PCM1: variants seen among roughly 807,000 people sequenced by gnomAD.
PCM1 encodes the protein pericentriolar material 1 protein.
Under a neutral mutation model 241.9 loss-of-function variants are expected in PCM1, and 157 were observed. The observed-to-expected ratio is 0.65, with a 90% CI of 0.57 to 0.74. The LOEUF (loss-of-function observed/expected upper bound fraction) is 0.74, where lower values mean the gene tolerates loss of function less well. PCM1 is among the 30% of genes least tolerant of loss of function. PCM1 has a pLI of 0.00. For synonymous variants in PCM1, 1,085 were observed against 784.9 expected, an observed-to-expected ratio of 1.38 and a Z score of -6.39; for missense variants, 3,478 against 2,360.1, an observed-to-expected ratio of 1.47 and a Z score of -9.81.
In PCM1 at chr8:17,980,651, C is replaced by T. The variant is rs1248662640; in HGVS notation, c.4004C>T (p.Ser1335Leu). 3 of 1,613,188 alleles carry T rather than the reference C, an allele frequency of 1.9e-6. No individual in the cohort carries two copies. The highest frequency in any genetic ancestry group is 1.3e-5 in the African/African-American group (1 of 74,914). The part of the protein sequence containing the change: ...CEPCKSRNRH[S>L]AQTEEPVQAK... The stretch of plus-strand genomic sequence containing the variant: ...CCTTGCAAAAGTAGGAACAGACATT[C>T]AGCCCAGACTGAAGAGCCTGTTCAA... Residue 1335 changes from serine to leucine, a missense_variant, in exon 24 of 39, where the codon TCA (serine) becomes TTA (leucine). Coordinates refer to ENST00000325083, the MANE Select transcript of PCM1 (RefSeq NM_006197.4).
At chr8:17,967,783 T>C (rs542271025) in intron 21 of PCM1, among the ~76,000 whole-genome samples, 2 of 152,266 alleles carry the variant, frequency 1.3e-5, no homozygotes, top group East Asian at 3.9e-4. Flanking sequence ...AAGACAGTGC[T>C]CTCCTAAAGG....
chr8:17,948,364 G>C (rs1349750088), intron 7 of PCM1, among the ~76,000 whole-genome samples: 2 of 132,894 alleles, frequency 1.5e-5, no homozygotes, highest in Non-Finnish European at 3.1e-5. Flanking sequence ...GAGTGCAATG[G>C]CATGTTCTCG....
At chr8:17,955,934 G>A in intron 10 of PCM1, 2 of 413,980 alleles carry the variant, frequency 4.8e-6, no homozygotes, top group South Asian at 4.5e-5. Flanking sequence ...TATTCAGATG[G>A]TTTAGAGACC....
chr8:17,965,811 T>C (rs1034697241), intron 18 of PCM1, among the ~76,000 whole-genome samples, 188 bp from the exon 19 acceptor site: 1 of 152,226 alleles, frequency 6.6e-6, no homozygotes, highest in African/African-American at 2.4e-5. Context: ...TGGAGACTAA[T>C]GAAAACTAAT....
chr8:17,971,466 A>G (rs925077775), intron 22 of PCM1, among the ~76,000 whole-genome samples: 30 of 152,348 alleles, frequency 2.0e-4, no homozygotes, highest in Admixed American at 2.0e-3. Context: ...TCCCCAACCT[A>G]GACGACCGAT....
intron 22 of PCM1, among the ~76,000 whole-genome samples, chr8:17,972,008 G>A (rs2077023915): frequency 1.3e-5 from 2 of 152,136 alleles, no homozygotes; most frequent in South Asian, 2.1e-4. Flanking sequence ...GCCTTCCAAA[G>A]TGCTGGAGTT....
At chr8:17,970,676 A>G (rs1011507353) in intron 22 of PCM1, among the ~76,000 whole-genome samples, 3 of 152,188 alleles carry the variant, frequency 2.0e-5, no homozygotes, top group Non-Finnish European at 4.4e-5. Context: ...ACGAGCAGTA[A>G]ACATTTATTC....
intron 36 of PCM1, among the ~76,000 whole-genome samples, chr8:18,017,204 A>C (rs1256375826): frequency 1.3e-5 from 2 of 152,218 alleles, no homozygotes; most frequent in Non-Finnish European, 2.9e-5. Flanking sequence ...GACTAGTCCA[A>C]AAAGTTGAAT....
At position 17,957,609 on chromosome 8, in the gene PCM1, A is replaced by C. The variant is rs1375742202; in HGVS notation, c.1874A>C (p.Glu625Ala). The C allele has an allele frequency of 6.3e-7, 1 of 1,576,190 alleles. No individual in the cohort carries two copies. Among genetic ancestry groups the C allele is most frequent in the Non-Finnish European group, 8.6e-7 (1 of 1,159,626 alleles). Reference protein sequence around the residue: ...VAQGEDDEEEEEEAEEEGVSG... With the variant: ...VAQGEDDEEEAEEAEEEGVSG... Reference sequence around the variant, plus strand: ...CAAGGTGAAGATGATGAGGAGGAGGAGGAAGAAGCAGAAGAGGAGGGAGTC... The same window carrying C: ...CAAGGTGAAGATGATGAGGAGGAGGCGGAAGAAGCAGAAGAGGAGGGAGTC... The change falls in exon 13 of 39, where the codon GAG becomes GCG. Residue 625 changes from glutamate to alanine, a missense_variant. Coordinates refer to ENST00000325083, the MANE Select transcript of PCM1 (RefSeq NM_006197.4).
intron 29 of PCM1, among the ~76,000 whole-genome samples, chr8:17,997,652 C>T (rs183244518): frequency 3.3e-5 from 5 of 152,018 alleles, no homozygotes; most frequent in Admixed American, 6.6e-5. Flanking sequence ...ATGTCAGTTG[C>T]GTTTTTCAAC....
intron 2 of PCM1, among the ~76,000 whole-genome samples, chr8:17,932,148 C>T (rs557090536): frequency 1.3e-5 from 2 of 152,228 alleles, no homozygotes; most frequent in South Asian, 2.1e-4. Flanking sequence ...GTATTCTACC[C>T]AGCAAGTGTA....
intron 24 of PCM1, among the ~76,000 whole-genome samples, chr8:17,984,810 G>A (rs190633020): frequency 1.1e-3 from 162 of 152,042 alleles, no homozygotes; most frequent in Non-Finnish European, 1.8e-3. Flanking sequence ...CTGTGAAACT[G>A]AAAACTTCAG....
intron 6 of PCM1, among the ~76,000 whole-genome samples, chr8:17,940,737 T>A (rs561499847): frequency 6.6e-6 from 1 of 152,136 alleles, no homozygotes; most frequent in Non-Finnish European, 1.5e-5. Context: ...CAAAATGGAA[T>A]TTGTTGAAGT....
At chr8:17,940,342 A>T (rs911959322) in intron 6 of PCM1, among the ~76,000 whole-genome samples, 1 of 152,224 alleles carries the variant, frequency 6.6e-6, no homozygotes, top group African/African-American at 2.4e-5. Flanking sequence ...TTTATTTATT[A>T]ACACTAAAAA....
rs771431447 is a variant in PCM1 at position 18,014,621 on chromosome 8, C to T, written c.5622C>T (p.Leu1874=). The part of the protein sequence containing the change: ...QNNCPVKPCY[L]NILEDEQPLN... ...ACTGTCCTGTGAAACCCTGTTACCT[C>T]AATATCTTGGAAGATGAGCAACCTT... Residue 1874 remains leucine (L), a synonymous_variant, in exon 36 of 39, where the codon CTC becomes CTT. Transcript: ENST00000325083. 1.1e-5 allele frequency: 18 copies of T among 1,612,738 alleles called. No homozygotes were observed. The highest frequency in any genetic ancestry group is 1.1e-5 in the South Asian group (1 of 90,962).
Position 17,963,137 on chromosome 8 carries a change from G to C in PCM1, c.2500G>C (p.Glu834Gln). 6.2e-7 allele frequency: 1 copy of C among 1,612,830 alleles called. No individual in the cohort carries two copies. Among genetic ancestry groups the C allele is most frequent in the South Asian group, 1.1e-5 (1 of 90,846 alleles). ...SEMRRHEMLR[E>Q]ELRQRRKQLE... ...AATGAGAAGACATGAAATGTTGAGG[G>C]AGGAGCTGCGACAGAGAAGAAAGCA... The change falls in exon 17 of 39, where the codon GAG (glutamate) becomes CAG (glutamine). Residue 834 changes from glutamate to glutamine, a missense_variant. By Grantham distance (29) the Glu-to-Gln change is conservative. Coordinates refer to ENST00000325083, the MANE Select transcript of PCM1 (RefSeq NM_006197.4).
At chr8:17,940,732 T>C (rs1563730142) in intron 6 of PCM1, among the ~76,000 whole-genome samples, 1 of 152,160 alleles carries the variant, frequency 6.6e-6, no homozygotes, top group Non-Finnish European at 1.5e-5. Context: ...CTTGGCAAAA[T>C]GGAATTTGTT....
intron 21 of PCM1, among the ~76,000 whole-genome samples, 172 bp downstream of exon 21, chr8:17,967,342 C>T (rs972538790): frequency 8.8e-5 from 13 of 147,408 alleles, no homozygotes; most frequent in African/African-American, 3.0e-4. Flanking sequence ...GAGTTTTACT[C>T]TTCTTGTCCA....
intron 7 of PCM1, among the ~76,000 whole-genome samples, chr8:17,948,511 G>A (rs748592861): frequency 4.0e-5 from 6 of 151,780 alleles, no homozygotes; most frequent in Non-Finnish European, 7.4e-5. Flanking sequence ...CACCATATTG[G>A]TCAGGCTGGT....
Sources: allele counts gnomAD v4.1 joint callset (sites outside exome capture counted in the v4.1 genomes callset), GRCh38; gene constraint gnomAD v4.1.1; transcripts MANE v1.5; gene names NCBI Gene and HGNC (gene_info 2026-07-23, HGNC 2026-07-21).